Variants in PRAMEF20 observed in about 807,000 individuals in gnomAD.
PRAMEF20 encodes the protein PRAME family member 20.
In PRAMEF20, 27 loss-of-function variants were observed where a neutral mutation model predicts 32.4. The observed-to-expected ratio is 0.83, with a 90% CI of 0.61 to 1.15. PRAMEF20 has a LOEUF of 1.15. PRAMEF20 is among the 50% of genes most tolerant of loss of function. PRAMEF20 has a pLI of 0.00. For synonymous variants in PRAMEF20, 256 were observed against 235.4 expected (o/e 1.09, Z -0.80); for missense variants, 604 against 584.5 (o/e 1.03, Z -0.34).
At chr1:13,416,600 C>T (rs3103692) in exon 1 of PRAMEF20, 144,304 of 1,614,016 alleles carry the variant, frequency 0.089, 6,714 homozygotes, top group Non-Finnish European at 0.094. Flanking sequence ...AAGCTGTGCT[C>T]GATGGGCTTG....
At chr1:13,420,423 G>C (rs1390889839) in intron 2 of PRAMEF20, among the ~76,000 whole-genome samples, 1 of 152,100 alleles carries the variant, frequency 6.6e-6, no homozygotes, top group Non-Finnish European at 1.5e-5. Context: ...TGGCCAGGCT[G>C]GTCTCAAACT....
intron 1 of PRAMEF20, among the ~76,000 whole-genome samples, chr1:13,417,759 G>A (rs1405310172): frequency 6.9e-6 from 1 of 144,568 alleles, no homozygotes; most frequent in African/African-American, 2.5e-5. Flanking sequence ...TTTCTGAGAC[G>A]GAGTCTTGCT....
chr1:13,415,494 TA>T (rs1641159560), upstream of PRAMEF20, among the ~76,000 whole-genome samples: 1 of 152,054 alleles, frequency 6.6e-6, no homozygotes, highest in Non-Finnish European at 1.5e-5. Context: ...AAATTTTAAA[TA>T]ATGAGGCCGG....
chr1:13,417,756 G>A (rs1458434734), intron 1 of PRAMEF20, among the ~76,000 whole-genome samples: 1 of 131,086 alleles, frequency 7.6e-6, no homozygotes, highest in African/African-American at 2.9e-5. Context: ...TTTTTTCTGA[G>A]ACGGAGTCTT....
exon 1 of PRAMEF20, chr1:13,416,504 G>C: frequency 6.2e-7 from 1 of 1,614,032 alleles, no homozygotes; most frequent in Non-Finnish European, 8.5e-7. Flanking sequence ...GACACTGTGA[G>C]GCCCTGAAGC....
chr1:13,411,224 G>A, the PRAMEF20 span, among the ~76,000 whole-genome samples: 1 of 152,132 alleles, frequency 6.6e-6, no homozygotes, highest in East Asian at 1.9e-4. Flanking sequence ...AGCTATTTGG[G>A]TGGCTGAGGT....
In PRAMEF20 at chr1:13,419,953, A is replaced by G. The variant is rs981224169; in HGVS notation, c.867-744A>G. On this transcript the variant is annotated intron_variant, in intron 2 of 2. Coordinates refer to ENST00000602960, the Ensembl canonical transcript of PRAMEF20. The stretch of plus-strand genomic sequence containing the variant: ...ATTCTGAAACAGAGGGTCAGGGACC[A>G]GGCACAAAGAATGGTGAAAGTGATA... Among the ~76,000 whole-genome samples, 25 of 152,318 alleles carry G rather than the reference A, an allele frequency of 1.6e-4. No homozygotes were observed. The East Asian group carries it at 4.5e-3, about 27-fold the overall frequency.
intron 1 of PRAMEF20, among the ~76,000 whole-genome samples, 190 bp downstream of exon 2, chr1:13,416,831 G>A (rs937793434): frequency 2.0e-5 from 3 of 152,204 alleles, no homozygotes; most frequent in South Asian, 2.1e-4. Flanking sequence ...GGGGTCCACC[G>A]AGGTAACAGG....
upstream of PRAMEF20, among the ~76,000 whole-genome samples, chr1:13,414,473 T>C (rs1641144328): frequency 6.6e-6 from 1 of 151,346 alleles, no homozygotes; most frequent in Non-Finnish European, 1.5e-5. Context: ...TAAAAGTTTT[T>C]TTTGAGACAG....
chr1:13,412,970 C>T (rs1344354188), upstream of PRAMEF20, among the ~76,000 whole-genome samples: 4 of 152,140 alleles, frequency 2.6e-5, no homozygotes, highest in Non-Finnish European at 5.9e-5. Context: ...CCCAGGTAAT[C>T]ACTGGATACA....
At chr1:13,420,793 A>G (rs1641234188) in exon 3 of PRAMEF20, 4 of 1,613,816 alleles carry the variant, frequency 2.5e-6, no homozygotes, top group Admixed American at 3.3e-5. Context: ...GCATTGGTCA[A>G]CTAAAGACCC....
At chr1:13,410,652 G>A in the PRAMEF20 span, 1 of 146,824 alleles carries the variant, frequency 6.8e-6, no homozygotes, top group Non-Finnish European at 1.5e-5. Flanking sequence ...ACAATTTGAA[G>A]CTTTGACTTT....
At chr1:13,420,547 C>T (rs1244236697) in intron 2 of PRAMEF20, 150 bp from the exon 4 acceptor site, 24 of 1,096,110 alleles carry the variant, frequency 2.2e-5, no homozygotes, top group East Asian at 1.8e-4. Flanking sequence ...CTCTTCATCA[C>T]GCAGCATCCT....
chr1:13,417,021 C>T (rs1001591995), intron 1 of PRAMEF20, among the ~76,000 whole-genome samples: 3 of 152,172 alleles, frequency 2.0e-5, no homozygotes, highest in Non-Finnish European at 4.4e-5. Flanking sequence ...CCGGTGGGTT[C>T]ATGGTCTTGC....
At position 13,418,104 on chromosome 1, in the gene PRAMEF20, T is replaced by A; in HGVS notation, c.288-18T>A. On this transcript the variant is annotated intron_variant, in intron 1 of 2. Coordinates refer to ENST00000602960, the Ensembl canonical transcript of PRAMEF20. ...AGTGAGTCCTTAAATTCTCAGCCTC[T>A]CTTCTATTTTTCCTCAGGAGGTGGA... 1.9e-6 allele frequency: 3 copies of A among 1,611,522 alleles called. No homozygotes were observed. The highest frequency in any genetic ancestry group is 1.7e-6 in the Non-Finnish European group (2 of 1,179,538).
chr1:13,417,437 A>G (rs908389075), intron 1 of PRAMEF20, among the ~76,000 whole-genome samples: 1 of 151,834 alleles, frequency 6.6e-6, no homozygotes, highest in Non-Finnish European at 1.5e-5. Flanking sequence ...ACCCCAACTC[A>G]GCTAAAAATA....
upstream of PRAMEF20, among the ~76,000 whole-genome samples, chr1:13,412,434 T>TC (rs1641123086): frequency 1.3e-5 from 2 of 152,152 alleles, no homozygotes; most frequent in Non-Finnish European, 2.9e-5. Context: ...AAGGATAATG[T>TC]TGAATTTTTC....
At chr1:13,411,489 C>T (rs1023188018), upstream of PRAMEF20, among the ~76,000 whole-genome samples, 1 of 152,126 alleles carries the variant, frequency 6.6e-6, no homozygotes, top group Admixed American at 6.6e-5. Context: ...ACTGTTTAAT[C>T]CTACAATTGC....
upstream of PRAMEF20, among the ~76,000 whole-genome samples, chr1:13,415,709 G>C (rs1300797265): frequency 6.6e-6 from 1 of 151,148 alleles, no homozygotes; most frequent in African/African-American, 2.4e-5. Context: ...AGAATCCTCT[G>C]AGCCTGGGAG....
Sources: gnomAD v4.1 joint callset for allele counts (sites outside exome capture counted in the v4.1 genomes callset) on GRCh38, gnomAD v4.1.1 for gene constraint, MANE v1.5 for transcripts, NCBI Gene and HGNC (gene_info 2026-07-23, HGNC 2026-07-21) for gene names.